Variants in ANXA4 observed in about 807,000 individuals in gnomAD.
The protein encoded by ANXA4 is annexin A4.
ANXA4 carries 39 observed loss-of-function variants against 49.8 expected under a neutral mutation model. The ratio of observed to expected loss-of-function variants is 0.78; its 90% confidence interval spans 0.61 to 1.02. The LOEUF (loss-of-function observed/expected upper bound fraction) is 1.02. Ranked by LOEUF, ANXA4 falls within the 50% of genes least tolerant of loss-of-function variation. The pLI is 0.00. For synonymous variants in ANXA4, 134 were observed against 152.5 expected (o/e 0.88, Z 0.89); for missense variants, 360 against 410.1 (o/e 0.88, Z 1.05).
intron 1 of ANXA4, among the ~76,000 whole-genome samples, chr2:69,648,630 C>G (rs1304801538): frequency 1.3e-5 from 2 of 152,046 alleles, no homozygotes; most frequent in Non-Finnish European, 1.5e-5. Context: ...TCAAGACCAG[C>G]CTGGCCAACA....
At chr2:69,716,184 C>A (rs1409190858) in intron 2 of ANXA4, among the ~76,000 whole-genome samples, 3 of 152,100 alleles carry the variant, frequency 2.0e-5, no homozygotes, top group Admixed American at 2.0e-4. Flanking sequence ...AGAGAGAGAG[C>A]TGACAGCATT....
intron 3 of ANXA4, among the ~76,000 whole-genome samples, chr2:69,794,232 A>G (rs183317702): frequency 6.6e-6 from 1 of 152,208 alleles, no homozygotes; most frequent in Non-Finnish European, 1.5e-5. Flanking sequence ...CTTAGAGGAC[A>G]ACAGTCCTGT....
chr2:69,783,651 T>C (rs1450799249), intron 2 of ANXA4, among the ~76,000 whole-genome samples: 1 of 152,232 alleles, frequency 6.6e-6, no homozygotes, highest in Non-Finnish European at 1.5e-5. Flanking sequence ...TTACTGGTCG[T>C]TAAGTTTTGA....
chr2:69,716,167 A>AAG (rs147799417), intron 2 of ANXA4, among the ~76,000 whole-genome samples: 5 of 145,754 alleles, frequency 3.4e-5, no homozygotes, highest in East Asian at 1.9e-4. Flanking sequence ...ACATATGAGT[A>AAG]AGAGAGAGAG....
rs549663880 is a variant in ANXA4 at position 69,670,275 on chromosome 2, A to C, written n.766+16993A>C. 5.9e-5 allele frequency among the ~76,000 whole-genome samples: 9 copies of C among 152,078 alleles called. No individual in the cohort carries two copies. In the East Asian group the frequency reaches 1.7e-3, roughly 29 times the overall value. On this transcript the variant is annotated intron_variant and non_coding_transcript_variant, in intron 2 of 3. Coordinates refer to the ANXA4 transcript ENST00000418066. ...GCCAACATGGTGAAACCCCATCTCTACTAAAAACACATAAATTAGCTGGGT... is the reference window on the plus strand; with the variant it reads ...GCCAACATGGTGAAACCCCATCTCTCCTAAAAACACATAAATTAGCTGGGT...
chr2:69,715,499 C>T (rs866733995), intron 2 of ANXA4, among the ~76,000 whole-genome samples: 6 of 152,212 alleles, frequency 3.9e-5, no homozygotes, highest in Admixed American at 1.3e-4. Flanking sequence ...TAAGCCATCA[C>T]GCCTGGCCAA....
chr2:69,662,334 C>G (rs925286806), intron 2 of ANXA4, among the ~76,000 whole-genome samples: 1 of 152,066 alleles, frequency 6.6e-6, no homozygotes. Flanking sequence ...TTCCTATGCA[C>G]GCTTGGAAGC....
chr2:69,761,049 G>T (rs1156308666), intron 1 of ANXA4, among the ~76,000 whole-genome samples: 1 of 151,340 alleles, frequency 6.6e-6, no homozygotes. Context: ...TATAAAGTAA[G>T]CCACAAATGC....
chr2:69,749,103 G>A (rs1169372898), intron 1 of ANXA4, among the ~76,000 whole-genome samples: 1 of 152,124 alleles, frequency 6.6e-6, no homozygotes, highest in East Asian at 1.9e-4. Flanking sequence ...CAGCTGGCTC[G>A]AAGAACATAC....
chr2:69,668,901 A>G (rs1295733447), intron 2 of ANXA4, among the ~76,000 whole-genome samples: 4 of 150,888 alleles, frequency 2.7e-5, no homozygotes, highest in Admixed American at 2.0e-4. Context: ...AAAATTATTT[A>G]TTTAAACATA....
rs80124243 is a variant in ANXA4 at position 69,712,708 on chromosome 2, C to T, written n.767-8066C>T. Among the ~76,000 whole-genome samples the T allele has an allele frequency of 7.4e-3, 1,130 of 152,270 alleles. 16 individuals carry two copies. The highest frequency in any genetic ancestry group is 0.026 in the African/African-American group (1,082 of 41,570). On this transcript the variant is annotated intron_variant and non_coding_transcript_variant, in intron 2 of 3. Transcript: ENST00000418066. ...AGGCCATGGGATCTACCCACTCCCT[C>T]GTAAAGAACTGGAGGACCAACATTA...
At chr2:69,788,184 C>T in intron 3 of ANXA4, 43 bp downstream of exon 3, 1 of 1,546,976 alleles carries the variant, frequency 6.5e-7, no homozygotes, top group South Asian at 1.1e-5. Context: ...GTGCATTGCA[C>T]ATCACAGGGT....
At chr2:69,657,281 A>T (rs539432067) in intron 2 of ANXA4, among the ~76,000 whole-genome samples, 2 of 152,094 alleles carry the variant, frequency 1.3e-5, no homozygotes, top group Non-Finnish European at 2.9e-5. Context: ...AGCATGAGCC[A>T]CCGTGCCCAG....
chr2:69,783,438 A>T, intron 2 of ANXA4, among the ~76,000 whole-genome samples: 1 of 152,098 alleles, frequency 6.6e-6, no homozygotes, highest in East Asian at 1.9e-4. Context: ...GCTGGTCTCG[A>T]ACTCCTGACC....
At chr2:69,750,823 AGGGCAGG>A (rs1670809392) in intron 1 of ANXA4, among the ~76,000 whole-genome samples, 1 of 152,222 alleles carries the variant, frequency 6.6e-6, no homozygotes. Context: ...TAGACCTGCT[AGGGCAGG>A]GGCCTTTGTC....
intron 3 of ANXA4, among the ~76,000 whole-genome samples, chr2:69,735,896 G>A (rs956641494): frequency 6.6e-6 from 1 of 152,126 alleles, no homozygotes; most frequent in African/African-American, 2.4e-5. Flanking sequence ...AGGCTTCCTA[G>A]TCACATGTCT....
intron 1 of ANXA4, among the ~76,000 whole-genome samples, chr2:69,780,663 G>A (rs1672159180): frequency 6.6e-6 from 1 of 152,156 alleles, no homozygotes; most frequent in Non-Finnish European, 1.5e-5. Context: ...GATCGCTTGA[G>A]TCCAGGAGTT....
chr2:69,651,485 G>A (rs550517252), intron 1 of ANXA4, among the ~76,000 whole-genome samples: 92 of 151,998 alleles, frequency 6.1e-4, no homozygotes, highest in African/African-American at 2.1e-3. Context: ...CTGTTTTTTA[G>A]TATCCATTTG....
At chr2:69,786,495 GC>G (rs1248362734) in intron 2 of ANXA4, among the ~76,000 whole-genome samples, 3 of 152,086 alleles carry the variant, frequency 2.0e-5, no homozygotes, top group African/African-American at 7.2e-5. Context: ...CCTGTCGGTG[GC>G]TTTCTACTGT....
Sources: allele counts gnomAD v4.1 joint callset (sites outside exome capture counted in the v4.1 genomes callset), GRCh38; gene constraint gnomAD v4.1.1; transcripts MANE v1.5; gene names NCBI Gene and HGNC (gene_info 2026-07-23, HGNC 2026-07-21).